CCDC102B: variants seen among roughly 807,000 people sequenced by gnomAD.
The protein encoded by CCDC102B is coiled-coil domain containing 102B.
A neutral mutation model predicts 57.4 loss-of-function variants in CCDC102B; 75 were observed. The ratio of observed to expected loss-of-function variants is 1.31; its 90% CI spans 1.08 to 1.58. CCDC102B has a LOEUF of 1.58. Among genes scored for constraint, CCDC102B ranks in the 40% most tolerant of loss-of-function variants. CCDC102B has a pLI of 0.00. For synonymous variants in CCDC102B, 206 were observed against 201.9 expected (o/e 1.02, Z -0.17); for missense variants, 636 against 582.6 (o/e 1.09, Z -0.94).
At chr18:68,835,253 T>C (rs1053356967) in intron 1 of CCDC102B, among the ~76,000 whole-genome samples, 21 of 152,198 alleles carry the variant, frequency 1.4e-4, no homozygotes, top group African/African-American at 5.1e-4. Context: ...AGCTTTGCAT[T>C]GGGCTAAGAC....
chr18:69,024,845 A>C (rs1384308048), intron 7 of CCDC102B, among the ~76,000 whole-genome samples: 2 of 152,000 alleles, frequency 1.3e-5, no homozygotes, highest in African/African-American at 4.8e-5. Context: ...ATTTTAAGAA[A>C]AGTTCAATTA....
At chr18:68,804,688 T>A (rs557320071) in intron 1 of CCDC102B, among the ~76,000 whole-genome samples, 2 of 152,160 alleles carry the variant, frequency 1.3e-5, no homozygotes, top group Non-Finnish European at 2.9e-5. Context: ...AGGCCTGGAA[T>A]TGACCATTAG....
chr18:68,899,620 T>C (rs2040367388), intron 6 of CCDC102B, among the ~76,000 whole-genome samples: 1 of 152,096 alleles, frequency 6.6e-6, no homozygotes, highest in Non-Finnish European at 1.5e-5. Context: ...GACATTTGCA[T>C]TTAAATCATA....
At position 68,769,499 on chromosome 18, in the gene CCDC102B, C is replaced by G. The variant is rs75376693; in HGVS notation, c.-67+52905C>G. ...AGCACACCTCATCTTCTGCTTTTCT[C>G]CTCTCATTTTCTCCAACCCTACGGT... On this transcript the variant is annotated intron_variant, in intron 2 of 3. Coordinates refer to the CCDC102B transcript ENST00000578970. Among the ~76,000 whole-genome samples the G allele has an allele frequency of 7.4e-3, 1,121 of 152,178 alleles. 16 individuals are homozygous for G. Among genetic ancestry groups the G allele is most frequent in the African/African-American group, 0.025 (1,032 of 41,536 alleles).
intron 2 of CCDC102B, among the ~76,000 whole-genome samples, chr18:68,757,173 T>C (rs2034079849): frequency 6.6e-6 from 1 of 152,176 alleles, no homozygotes; most frequent in Non-Finnish European, 1.5e-5. Context: ...TTTTTCTCCT[T>C]ATCCCTGACA....
At chr18:69,029,041 T>G (rs1214208220) in intron 7 of CCDC102B, among the ~76,000 whole-genome samples, 3 of 152,198 alleles carry the variant, frequency 2.0e-5, no homozygotes, top group Non-Finnish European at 4.4e-5. Flanking sequence ...TCTCACTATA[T>G]AGCTGCATAA....
At chr18:68,923,220 G>A (rs1004585618) in intron 6 of CCDC102B, among the ~76,000 whole-genome samples, 1 of 151,520 alleles carries the variant, frequency 6.6e-6, no homozygotes, top group Non-Finnish European at 1.5e-5. Flanking sequence ...GAATCATTTA[G>A]CAATTTATGT....
rs188054836 is a variant in CCDC102B at position 68,896,169 on chromosome 18, T to A, written c.1054-1050T>A. ...AATTTAGAGACAAAAAAGCTACTAT[T>A]CACTTCTACTTACAATGTCCACAGA... On this transcript the variant is annotated intron_variant, in intron 5 of 7. Coordinates refer to ENST00000360242, the MANE Select transcript of CCDC102B (RefSeq NM_024781.3). 4.2e-3 allele frequency among the ~76,000 whole-genome samples: 641 copies of A among 152,114 alleles called. 4 individuals are homozygous for A. The highest frequency in any genetic ancestry group is 0.014 in the African/African-American group (595 of 41,546).
At chr18:68,847,467 C>G (rs953412149) in intron 4 of CCDC102B, among the ~76,000 whole-genome samples, 4 of 151,790 alleles carry the variant, frequency 2.6e-5, no homozygotes, top group Non-Finnish European at 4.4e-5. Flanking sequence ...GTGTGCAGCA[C>G]AGACTTGTTA....
intron 6 of CCDC102B, among the ~76,000 whole-genome samples, chr18:68,968,395 G>T (rs1010801149): frequency 6.6e-6 from 1 of 152,104 alleles, no homozygotes; most frequent in East Asian, 1.9e-4. Flanking sequence ...ATAACTGCAG[G>T]TGTAAGAAAC....
intron 5 of CCDC102B, among the ~76,000 whole-genome samples, chr18:68,879,986 A>C (rs2039617881): frequency 6.6e-6 from 1 of 152,196 alleles, no homozygotes; most frequent in Admixed American, 6.5e-5. Context: ...AGTCCTGTGC[A>C]GTGCGCATGC....
At chr18:68,874,617 G>A in intron 4 of CCDC102B, 52 bp from the exon 5 acceptor site, 3 of 1,173,600 alleles carry the variant, frequency 2.6e-6, no homozygotes, top group Non-Finnish European at 3.8e-6. Flanking sequence ...GGATTATCCT[G>A]TAACCACCCT....
chr18:68,869,466 G>T (rs764815759), intron 4 of CCDC102B, among the ~76,000 whole-genome samples: 3 of 152,218 alleles, frequency 2.0e-5, no homozygotes, highest in African/African-American at 7.2e-5. Flanking sequence ...GAGGAATGCT[G>T]GTAGCAGAAG....
intron 7 of CCDC102B, among the ~76,000 whole-genome samples, chr18:69,022,355 A>AT (rs2051868732): frequency 0.015 from 2 of 134 alleles, no homozygotes; most frequent in Admixed American, 0.14. Context: ...TTATATATAA[A>AT]TATATATATA....
intron 1 of CCDC102B, among the ~76,000 whole-genome samples, chr18:68,828,342 A>AAC (rs2036998791): frequency 6.6e-6 from 1 of 150,602 alleles, no homozygotes; most frequent in Non-Finnish European, 1.5e-5. Flanking sequence ...AAAAAAAAAA[A>AAC]AAAAACCTTC....
chr18:68,752,924 C>A (rs945671436), intron 2 of CCDC102B, among the ~76,000 whole-genome samples: 4 of 152,072 alleles, frequency 2.6e-5, no homozygotes, highest in African/African-American at 9.7e-5. Flanking sequence ...ATAGAAAAAT[C>A]TCAGCCATTA....
rs188307173 is a variant in CCDC102B at position 68,943,040 on chromosome 18, G to T, written c.1263+45612G>T. On this transcript the variant is annotated intron_variant, in intron 6 of 7. Coordinates refer to ENST00000360242, the MANE Select transcript of CCDC102B (RefSeq NM_024781.3). ...GCATTTGTTTAACAAAGCACATCCT[G>T]CATAGCCCTAAATCCATTAAGCCTT... 1.8e-3 allele frequency among the ~76,000 whole-genome samples: 194 copies of T among 108,668 alleles called. 19 individuals are homozygous for T. Among genetic ancestry groups the T allele is most frequent in the Non-Finnish European group, 3.7e-3 (166 of 44,628 alleles). 71.3% of individuals were successfully genotyped at this position (108,668 alleles called of 152,430 possible).
chr18:68,888,194 G>C (rs1051537184), intron 5 of CCDC102B, among the ~76,000 whole-genome samples: 2 of 152,240 alleles, frequency 1.3e-5, no homozygotes, highest in East Asian at 3.9e-4. Context: ...GCCTATGTAA[G>C]AAATGGTATG....
intron 6 of CCDC102B, among the ~76,000 whole-genome samples, chr18:68,940,059 A>T (rs1202002877): frequency 6.6e-6 from 1 of 151,284 alleles, no homozygotes. Context: ...TCAGTATTCC[A>T]TTTTTTTTAG....
Sources: gnomAD v4.1 joint callset for allele counts (sites outside exome capture counted in the v4.1 genomes callset) on GRCh38, gnomAD v4.1.1 for gene constraint, MANE v1.5 for transcripts, NCBI Gene and HGNC (gene_info 2026-07-23, HGNC 2026-07-21) for gene names.